CCDC80: variants seen among roughly 807,000 people sequenced by gnomAD.
CCDC80 encodes the protein coiled-coil domain-containing protein 80.
A neutral mutation model predicts 78.7 loss-of-function variants in CCDC80; 49 were observed. That is an observed-to-expected ratio of 0.62 (90% CI 0.50 to 0.79). The LOEUF is 0.79. CCDC80 is among the 30% of genes least tolerant of loss of function. The probability of loss-of-function intolerance (pLI) is 0.00; values close to 1 mark genes in which losing one functional copy is unlikely to be tolerated. For synonymous variants in CCDC80, 488 were observed against 447.0 expected, an observed-to-expected ratio of 1.09 and a Z score of -1.16; for missense variants, 1,205 against 1,198.6, an observed-to-expected ratio of 1.01 and a Z score of -0.08.
chr3:112,597,101 C>T lies in CCDC80; in HGVS notation c.*8316G>A, dbSNP rs1200621878. On this transcript the variant is annotated 3_prime_UTR_variant, in exon 8 of 8. Coordinates refer to ENST00000206423, the MANE Select transcript of CCDC80 (RefSeq NM_199511.3). Reference sequence around the variant, plus strand: ...TAAAGAAACTGACCCTGGTGATCACCAGAGTAGTTTCAGACTATAAACAAC... The same window carrying T: ...TAAAGAAACTGACCCTGGTGATCACTAGAGTAGTTTCAGACTATAAACAAC... 1 of 152,184 alleles carries T rather than the reference C, an allele frequency of 6.6e-6. No individual in the cohort carries two copies. Among genetic ancestry groups the T allele is most frequent in the African/African-American group, 2.4e-5 (1 of 41,444 alleles). The allele number at this position is 152,184 out of a possible 1,614,324, so 9.4% of individuals were successfully genotyped here. A position where few individuals can be genotyped will look rare whatever the true frequency, so the allele number is the denominator to read the frequency against.
rs1308170807 is a variant in CCDC80 at position 112,601,296 on chromosome 3, T to G, written c.*4121A>C. ...GGCACAGATAAACCTATAGCAAATA[T>G]TCACATGTGGTTTGAATGCATTTAT... is the stretch of plus-strand genomic sequence containing the variant. On this transcript the variant is annotated 3_prime_UTR_variant, in exon 8 of 8. Coordinates refer to ENST00000206423, the MANE Select transcript of CCDC80 (RefSeq NM_199511.3). The G allele has an allele frequency of 6.6e-6, 1 of 152,174 alleles. No individual in the cohort carries two copies. The highest frequency in any genetic ancestry group is 1.5e-5 in the Non-Finnish European group (1 of 68,038). 9.4% of individuals were successfully genotyped at this position (152,174 alleles called of 1,614,324 possible).
intron 6 of CCDC80, among the ~76,000 whole-genome samples, chr3:112,608,606 A>G (rs894195120): frequency 6.6e-6 from 1 of 152,228 alleles, no homozygotes; most frequent in South Asian, 2.1e-4. Context: ...TGGAAAATTT[A>G]AAAACTGTGG....
intron 3 of CCDC80, among the ~76,000 whole-genome samples, chr3:112,622,822 ATTTTTTT>A (rs373170477): frequency 1.3e-3 from 156 of 118,896 alleles, no homozygotes; most frequent in African/African-American, 4.8e-3. Flanking sequence ...TGCCCAGCTA[ATTTTTTT>A]TTTTTTTTTT....
At chr3:112,616,317 G>A (rs533983622) in intron 5 of CCDC80, among the ~76,000 whole-genome samples, 1 of 151,802 alleles carries the variant, frequency 6.6e-6, no homozygotes, top group East Asian at 1.9e-4. Flanking sequence ...ACCAGAAGGG[G>A]CCTAATAAAT....
chr3:112,616,369 T>C (rs1281288876), intron 5 of CCDC80, among the ~76,000 whole-genome samples: 2 of 151,108 alleles, frequency 1.3e-5, no homozygotes, highest in Non-Finnish European at 2.9e-5. Flanking sequence ...GATCTCCAGA[T>C]TTACTGACTG....
intron 6 of CCDC80, 63 bp from the exon 7 acceptor site, chr3:112,607,319 A>G (rs1374905654): frequency 7.6e-6 from 9 of 1,188,770 alleles, no homozygotes; most frequent in African/African-American, 1.5e-5. Context: ...TTTACTTCAA[A>G]GCCCTGATAT....
rs776851723 is a variant in CCDC80, at chr3:112,638,515, C to G, written c.1391G>C (p.Arg464Pro). 4 of 1,613,868 alleles carry G rather than the reference C, an allele frequency of 2.5e-6. No individual in the cohort carries two copies. Among genetic ancestry groups the G allele is most frequent in the Non-Finnish European group, 3.4e-6 (4 of 1,180,014 alleles). The change falls in exon 2 of 8, where the codon CGG becomes CCG. Residue 464 changes from arginine (R) to proline (P), a missense_variant. Coordinates refer to ENST00000206423, the MANE Select transcript of CCDC80 (RefSeq NM_199511.3). Reference protein sequence around the residue: ...STRAAGPGRFRDNRMDRREHG... With the variant: ...STRAAGPGRFPDNRMDRREHG... ...TTCCCGCCTGTCCATGCGGTTGTCC[C>G]GGAAACGGCCTGGGCCAGCAGCCCT... is the stretch of plus-strand genomic sequence containing the variant.
chr3:112,598,207 G>A lies in CCDC80; in HGVS notation c.*7210C>T, dbSNP rs969155541. The A allele has an allele frequency of 6.6e-6, 1 of 152,216 alleles. No homozygotes were observed. Among genetic ancestry groups the A allele is most frequent in the Non-Finnish European group, 1.5e-5 (1 of 68,054 alleles). The allele number at this position is 152,216 out of a possible 1,614,324, so 9.4% of individuals were successfully genotyped here. ...AGAAAAGAGAGCTAAGGCTACAGGA[G>A]GAATTTACTCTTTAACATTTGGGGG... On this transcript the variant is annotated 3_prime_UTR_variant, in exon 8 of 8. Transcript: ENST00000206423.
At chr3:112,637,896 G>A (rs1936238135) in intron 2 of CCDC80, 132 bp downstream of exon 2, 1 of 1,415,478 alleles carries the variant, frequency 7.1e-7, no homozygotes, top group African/African-American at 1.4e-5. Context: ...CCAGACTTCT[G>A]AGCTTCTTGA....
intron 2 of CCDC80, among the ~76,000 whole-genome samples, chr3:112,632,685 T>C (rs1936121553): frequency 6.6e-6 from 1 of 152,196 alleles, no homozygotes; most frequent in Non-Finnish European, 1.5e-5. Flanking sequence ...CACAGTGGCA[T>C]GAGGCCATGG....
At chr3:112,634,520 G>A (rs1343092975) in intron 2 of CCDC80, among the ~76,000 whole-genome samples, 2 of 152,102 alleles carry the variant, frequency 1.3e-5, no homozygotes, top group Non-Finnish European at 2.9e-5. Flanking sequence ...GAAGAATTAG[G>A]TTAACTGGAA....
At position 112,605,774 on chromosome 3, in the gene CCDC80, A is replaced by G. The variant is rs772524829; in HGVS notation, c.2507-11T>C. On this transcript the variant is annotated splice_polypyrimidine_tract_variant and intron_variant, in intron 7 of 7. Coordinates refer to ENST00000206423, the MANE Select transcript of CCDC80 (RefSeq NM_199511.3). Reference sequence around the variant, plus strand: ...CAACAACAGAGCTCCCTAGAATAACATTGGAATAGTTATTGTTAGTAGATT... The same window carrying G: ...CAACAACAGAGCTCCCTAGAATAACGTTGGAATAGTTATTGTTAGTAGATT... The G allele has an allele frequency of 6.3e-7, 1 of 1,591,720 alleles. No individual in the cohort carries two copies. Among genetic ancestry groups the G allele is most frequent in the Non-Finnish European group, 8.6e-7 (1 of 1,161,782 alleles).
At chr3:112,628,845 G>T (rs1936033369) in intron 3 of CCDC80, among the ~76,000 whole-genome samples, 1 of 152,112 alleles carries the variant, frequency 6.6e-6, no homozygotes. Context: ...TCAGAGGAAG[G>T]TGGGCTATTT....
intron 3 of CCDC80, among the ~76,000 whole-genome samples, chr3:112,626,295 C>T (rs1203687642): frequency 6.6e-6 from 1 of 152,174 alleles, no homozygotes; most frequent in Non-Finnish European, 1.5e-5. Context: ...CCTGCCTCTC[C>T]TCCCAGCTCA....
At chr3:112,609,003 C>T (rs1935569650) in intron 6 of CCDC80, among the ~76,000 whole-genome samples, 1 of 152,156 alleles carries the variant, frequency 6.6e-6, no homozygotes, top group Admixed American at 6.5e-5. Flanking sequence ...GATGATTCTT[C>T]CTCCTAATAG....
chr3:112,625,831 A>G (rs1216157521), intron 3 of CCDC80, among the ~76,000 whole-genome samples: 1 of 152,174 alleles, frequency 6.6e-6, no homozygotes, highest in Non-Finnish European at 1.5e-5. Flanking sequence ...ACCTTTTTAT[A>G]TAGCTTTGAC....
intron 5 of CCDC80, among the ~76,000 whole-genome samples, chr3:112,615,284 A>G (rs975660331): frequency 1.3e-5 from 2 of 152,150 alleles, no homozygotes; most frequent in Non-Finnish European, 2.9e-5. Flanking sequence ...TGTCTCACAT[A>G]TGGAGAATGT....
intron 6 of CCDC80, among the ~76,000 whole-genome samples, chr3:112,607,911 A>G (rs906109623): frequency 2.6e-5 from 4 of 152,274 alleles, no homozygotes; most frequent in African/African-American, 9.6e-5. Context: ...TACAGACTCC[A>G]TCAATTGTGA....
intron 2 of CCDC80, among the ~76,000 whole-genome samples, chr3:112,632,496 C>T (rs1049949107): frequency 6.6e-6 from 1 of 152,264 alleles, no homozygotes; most frequent in African/African-American, 2.4e-5. Flanking sequence ...TTCATTCATA[C>T]CATACTTTGC....
Sources: allele counts gnomAD v4.1 joint callset (sites outside exome capture counted in the v4.1 genomes callset), GRCh38; gene constraint gnomAD v4.1.1; transcripts MANE v1.5; gene names NCBI Gene and HGNC (gene_info 2026-07-23, HGNC 2026-07-21).